Variants in ZDHHC17 observed in about 807,000 individuals in gnomAD.
ZDHHC17 encodes palmitoyltransferase ZDHHC17.
ZDHHC17 carries 40 observed loss-of-function variants against 90.3 expected under a neutral mutation model. The ratio of observed to expected loss-of-function variants is 0.44; its 90% confidence interval spans 0.34 to 0.58. The LOEUF is 0.58. Ranked by LOEUF, ZDHHC17 falls within the 20% of genes least tolerant of loss-of-function variation. The pLI is 0.01. For missense variants in ZDHHC17, 614 were observed against 780.8 expected, an observed-to-expected ratio of 0.79 and a Z score of 2.55; for synonymous variants, 235 against 252.4, an observed-to-expected ratio of 0.93 and a Z score of 0.65.
At chr12:76,849,528 C>T (rs995556523) in intron 16 of ZDHHC17, 58 bp downstream of exon 16, 100 of 1,107,162 alleles carry the variant, frequency 9.0e-5, no homozygotes, top group Non-Finnish European at 1.2e-4. Flanking sequence ...TTCTTACTAA[C>T]CAGACTCTTT....
At chr12:76,817,246 TAAGAA>T (rs932536822) in intron 7 of ZDHHC17, among the ~76,000 whole-genome samples, 2 of 152,100 alleles carry the variant, frequency 1.3e-5, no homozygotes, top group African/African-American at 4.8e-5. Flanking sequence ...GTCTGAAGGT[TAAGAA>T]AAGAGAAGTT....
In ZDHHC17 at chr12:76,821,236, A is replaced by G. The variant is rs1042749362; in HGVS notation, c.772-1170A>G. 1.5e-5 allele frequency: 13 copies of G among 854,246 alleles called. No homozygotes were observed. In the Admixed American group the frequency reaches 5.2e-4, roughly 34 times the overall value. The allele number at this position is 854,246 out of a possible 1,614,324, so 52.9% of individuals were successfully genotyped here. A position where few individuals can be genotyped will look rare whatever the true frequency, so the allele number is the denominator to read the frequency against. On this transcript the variant is annotated intron_variant, in intron 7 of 16. Transcript: ENST00000426126. The stretch of plus-strand genomic sequence containing the variant: ...AGGTGATGGAATTTTGGAATAGGTA[A>G]GGCAATATTTTAAAGTAAATATCCC...
intron 14 of ZDHHC17, among the ~76,000 whole-genome samples, chr12:76,847,715 C>A (rs117011747): frequency 6.6e-6 from 1 of 151,904 alleles, no homozygotes; most frequent in Non-Finnish European, 1.5e-5. Flanking sequence ...AAAATTAGCC[C>A]GGTGTGGTAG....
intron 1 of ZDHHC17, among the ~76,000 whole-genome samples, chr12:76,777,659 A>G (rs1350291337): frequency 1.4e-4 from 21 of 152,156 alleles, no homozygotes. Flanking sequence ...AGTGAGGATG[A>G]GGGAGAGCTG....
Position 76,764,128 on chromosome 12 carries a change from G to GAGA in ZDHHC17, c.-103_-101dup, listed in dbSNP as rs939673658. 1.2e-6 allele frequency: 1 copy of GAGA among 826,328 alleles called. No individual in the cohort carries two copies. The highest frequency in any genetic ancestry group is 1.8e-5 in the African/African-American group (1 of 55,450). 51.2% of individuals were successfully genotyped at this position (826,328 alleles called of 1,614,324 possible). ...GACAGAGGGGGCGTCACGGGGGCAGGAGAAGAAGGAGGAGGAGGCCCGCGT... is the reference window on the plus strand; with the variant it reads ...GACAGAGGGGGCGTCACGGGGGCAGGAGAAGAAGAAGGAGGAGGAGGCCCGCGT... On this transcript the variant is annotated 5_prime_UTR_variant, in exon 1 of 17. Coordinates refer to ENST00000426126, the MANE Select transcript of ZDHHC17 (RefSeq NM_015336.4).
At chr12:76,778,148 G>A (rs1952580150) in intron 1 of ZDHHC17, among the ~76,000 whole-genome samples, 1 of 152,162 alleles carries the variant, frequency 6.6e-6, no homozygotes, top group Non-Finnish European at 1.5e-5. Context: ...GGAATATTGA[G>A]TTTTTGGTCA....
intron 1 of ZDHHC17, among the ~76,000 whole-genome samples, chr12:76,765,861 C>G (rs927774000): frequency 1.3e-5 from 2 of 152,078 alleles, no homozygotes; most frequent in African/African-American, 4.8e-5. Flanking sequence ...CCACCATACC[C>G]GGCTGATTTT....
At chr12:76,810,865 G>T (rs1953011123) in intron 5 of ZDHHC17, among the ~76,000 whole-genome samples, 2 of 152,134 alleles carry the variant, frequency 1.3e-5, no homozygotes, top group South Asian at 4.1e-4. Flanking sequence ...CGGCTTGACT[G>T]AGCTGGAAGA....
rs1377219314 is a variant in ZDHHC17, at chr12:76,848,294, G to A, written c.1569G>A (p.Gln523=). The A allele has an allele frequency of 6.2e-7, 1 of 1,613,916 alleles. No individual in the cohort carries two copies. Among genetic ancestry groups the A allele is most frequent in the African/African-American group, 1.3e-5 (1 of 75,034 alleles). The change falls in exon 15 of 17, where the codon CAG becomes CAA. Residue 523 remains glutamine (Q), a synonymous_variant. Transcript: ENST00000426126. Reference sequence around the variant, plus strand: ...ATGGATTTTGGACATACATTACTCAGATTGCCACGTGTTCACCTTGGATGT... The same window carrying A: ...ATGGATTTTGGACATACATTACTCAAATTGCCACGTGTTCACCTTGGATGT... ...TKDGFWTYIT[Q]IATCSPWMFW...
chr12:76,764,146 G>A lies in ZDHHC17; in HGVS notation c.-91G>A, dbSNP rs1422318085. Reference sequence around the variant, plus strand: ...GGGGCAGGAGAAGAAGGAGGAGGAGGCCCGCGTCGCCTCCGGCGGGGCTCG... The same window carrying A: ...GGGGCAGGAGAAGAAGGAGGAGGAGACCCGCGTCGCCTCCGGCGGGGCTCG... On this transcript the variant is annotated 5_prime_UTR_variant, in exon 1 of 17. Coordinates refer to ENST00000426126, the MANE Select transcript of ZDHHC17 (RefSeq NM_015336.4). The A allele has an allele frequency of 9.0e-6, 9 of 1,004,308 alleles. No homozygotes were observed. The highest frequency in any genetic ancestry group is 1.7e-5 in the African/African-American group (1 of 59,346). The allele number at this position is 1,004,308 out of a possible 1,614,324, so 62.2% of individuals were successfully genotyped here.
At position 76,764,284 on chromosome 12, in the gene ZDHHC17, T is replaced by A. The variant is rs931327345; in HGVS notation, c.48T>A (p.Asp16Glu). 6.2e-7 allele frequency: 1 copy of A among 1,607,446 alleles called. No individual in the cohort carries two copies. The highest frequency in any genetic ancestry group is 1.3e-5 in the African/African-American group (1 of 74,748). The part of the protein sequence containing the change: ...GFNTKMADGP[D>E]EYDTEAGCVP... Reference sequence around the variant, plus strand: ...ACACCAAGATGGCGGACGGCCCGGATGAGTACGATACCGAAGCGGGCTGTG... The same window carrying A: ...ACACCAAGATGGCGGACGGCCCGGAAGAGTACGATACCGAAGCGGGCTGTG... Residue 16 changes from aspartate (D) to glutamate (E), a missense_variant, in exon 1 of 17, where the codon GAT becomes GAA. Physicochemically the swap from Asp to Glu is conservative, Grantham distance 45. Around this residue, in one of 5 missense-constraint regions of ZDHHC17, gnomAD observed 358 missense variants for 380.4 expected, o/e 0.94. Coordinates refer to ENST00000426126, the MANE Select transcript of ZDHHC17 (RefSeq NM_015336.4).
intron 1 of ZDHHC17, among the ~76,000 whole-genome samples, chr12:76,787,826 G>C (rs1952708693): frequency 6.6e-6 from 1 of 152,270 alleles, no homozygotes; most frequent in South Asian, 2.1e-4. Context: ...GATTTATATA[G>C]ATCCATTTAC....
rs1953259105 is a variant in ZDHHC17 at position 76,828,565 on chromosome 12, A to G, written c.1141+75A>G. On this transcript the variant is annotated intron_variant, in intron 10 of 16. Transcript: ENST00000426126. ...TTGAATAGATGTTTAATAATTTGAC[A>G]TTAGGACTGATCTACTCATTCATAA... 4.7e-6 allele frequency: 6 copies of G among 1,284,852 alleles called. No individual in the cohort carries two copies. In the South Asian group the frequency reaches 6.4e-5, roughly 14 times the overall value. The allele number at this position is 1,284,852 out of a possible 1,614,324, so 79.6% of individuals were successfully genotyped here.
At chr12:76,771,846 A>C (rs1317939248) in intron 1 of ZDHHC17, among the ~76,000 whole-genome samples, 1 of 152,144 alleles carries the variant, frequency 6.6e-6, no homozygotes, top group Non-Finnish European at 1.5e-5. Context: ...ATAGTTGGGC[A>C]AAAAGGGGAA....
intron 10 of ZDHHC17, among the ~76,000 whole-genome samples, chr12:76,830,957 G>A (rs1161595225): frequency 6.6e-6 from 1 of 152,254 alleles, no homozygotes. Flanking sequence ...GAAAATAAGA[G>A]AGGCAAATTT....
chr12:76,838,236 C>T (rs568336092), intron 10 of ZDHHC17, among the ~76,000 whole-genome samples: 23 of 152,150 alleles, frequency 1.5e-4, no homozygotes, highest in African/African-American at 5.1e-4. Flanking sequence ...TCCAAATTTG[C>T]GGCTGCTTTC....
chr12:76,802,914 C>T (rs543221455), intron 2 of ZDHHC17, among the ~76,000 whole-genome samples: 3 of 152,256 alleles, frequency 2.0e-5, no homozygotes, highest in East Asian at 3.9e-4. Flanking sequence ...CCCATACAGC[C>T]GTTCTTTTTT....
At chr12:76,808,535 A>C (rs550458508) in intron 3 of ZDHHC17, among the ~76,000 whole-genome samples, 5 of 152,314 alleles carry the variant, frequency 3.3e-5, no homozygotes, top group Admixed American at 6.5e-5. Flanking sequence ...TCTAATACTA[A>C]AGTTGCTATT....
At chr12:76,826,257 G>C (rs1050020492) in intron 8 of ZDHHC17, among the ~76,000 whole-genome samples, 1 of 152,098 alleles carries the variant, frequency 6.6e-6, no homozygotes, top group African/African-American at 2.4e-5. Flanking sequence ...TGTGATAGAA[G>C]TTACCAGGAG....
Sources: allele counts gnomAD v4.1 joint callset (sites outside exome capture counted in the v4.1 genomes callset), GRCh38; gene constraint gnomAD v4.1.1; regional missense constraint gnomAD v4.1.1; transcripts MANE v1.5; gene names NCBI Gene and HGNC (gene_info 2026-07-23, HGNC 2026-07-21).